The following KCNJ3 variants were observed in gnomAD, a reference collection of about 807,000 sequenced individuals.
The protein encoded by KCNJ3 is potassium inwardly rectifying channel subfamily J member 3, also known as G protein-activated inward rectifier potassium channel 1.
In KCNJ3, 4 loss-of-function variants were observed where a neutral mutation model predicts 39.2. The ratio of observed to expected loss-of-function variants is 0.10; its 90% CI spans 0.05 to 0.23. The LOEUF is 0.23. KCNJ3 is among the 10% of genes least tolerant of loss of function. The probability of loss-of-function intolerance (pLI) is 1.00; values close to 1 mark genes in which losing one functional copy is unlikely to be tolerated. For missense variants in KCNJ3, 276 were observed against 634.9 expected, an observed-to-expected ratio of 0.43 and a Z score of 6.08; for synonymous variants, 230 against 237.4, an observed-to-expected ratio of 0.97 and a Z score of 0.29.
chr2:154,793,029 G>C (rs1040237335), intron 2 of KCNJ3, among the ~76,000 whole-genome samples: 4 of 152,034 alleles, frequency 2.6e-5, no homozygotes, highest in Non-Finnish European at 4.4e-5. Context: ...TACATGGTTT[G>C]TTTTATGGGA....
At chr2:154,828,852 C>T (rs1375482522) in intron 2 of KCNJ3, among the ~76,000 whole-genome samples, 3 of 152,008 alleles carry the variant, frequency 2.0e-5, no homozygotes, top group Non-Finnish European at 4.4e-5. Context: ...TTGAGTTTTT[C>T]AAACAAAATA....
chr2:154,845,747 G>A (rs1687653035), intron 2 of KCNJ3, among the ~76,000 whole-genome samples: 1 of 152,018 alleles, frequency 6.6e-6, no homozygotes. Flanking sequence ...GAGGCGGGTG[G>A]ATCACTTGAG....
chr2:154,807,542 G>T (rs1231523084), intron 2 of KCNJ3, among the ~76,000 whole-genome samples: 7 of 152,108 alleles, frequency 4.6e-5, no homozygotes, highest in African/African-American at 9.7e-5. Flanking sequence ...TATAATATTT[G>T]TCTATACCAA....
intron 2 of KCNJ3, among the ~76,000 whole-genome samples, chr2:154,818,362 AC>A (rs1226518083): frequency 1.3e-5 from 2 of 152,016 alleles, no homozygotes; most frequent in Non-Finnish European, 2.9e-5. Flanking sequence ...TTTTATTTTG[AC>A]ACAAACTAGT....
At chr2:154,749,096 G>A (rs77473777) in intron 2 of KCNJ3, among the ~76,000 whole-genome samples, 8,500 of 152,128 alleles carry the variant, frequency 0.056, 277 homozygotes, top group Middle Eastern at 0.078. Flanking sequence ...TTTGGAATGG[G>A]CAGTGGTGGA....
intron 2 of KCNJ3, among the ~76,000 whole-genome samples, chr2:154,787,437 A>G (rs1686551168): frequency 6.6e-6 from 1 of 152,088 alleles, no homozygotes; most frequent in Admixed American, 6.6e-5. Context: ...CTGTTCAGAG[A>G]CCGAACCCTC....
intron 2 of KCNJ3, among the ~76,000 whole-genome samples, chr2:154,810,244 G>C (rs865991179): frequency 1.3e-5 from 2 of 152,058 alleles, no homozygotes; most frequent in African/African-American, 4.8e-5. Context: ...CACCACGCCT[G>C]ACTAATTTTT....
intron 2 of KCNJ3, among the ~76,000 whole-genome samples, chr2:154,777,413 G>C (rs1251139946): frequency 6.6e-6 from 1 of 152,142 alleles, no homozygotes; most frequent in South Asian, 2.1e-4. Context: ...ATTGTCTGCT[G>C]TCAAAAATTA....
rs148066805 is a variant in KCNJ3, at chr2:154,854,086, G to A, written c.920-641G>A. On this transcript the variant is annotated intron_variant, in intron 2 of 2. Coordinates refer to ENST00000295101, the MANE Select transcript of KCNJ3 (RefSeq NM_002239.4). Reference sequence around the variant, plus strand: ...CTTTTATTCGTTTAACAAATACTTGGGAGAGTTACCTTTTGTCCTCCCACC... The same window carrying A: ...CTTTTATTCGTTTAACAAATACTTGAGAGAGTTACCTTTTGTCCTCCCACC... Among the ~76,000 whole-genome samples the A allele has an allele frequency of 3.7e-3, 559 of 152,140 alleles. 1 individual carries two copies. The highest frequency in any genetic ancestry group is 6.0e-3 in the Non-Finnish European group (405 of 67,988).
At chr2:154,722,267 A>G (rs3106651) in intron 2 of KCNJ3, among the ~76,000 whole-genome samples, 71,774 of 151,978 alleles carry the variant, frequency 0.47, 17,220 homozygotes, top group African/African-American at 0.51. Flanking sequence ...AGAAAGTCTA[A>G]GGGTCTCAGC....
intron 2 of KCNJ3, among the ~76,000 whole-genome samples, chr2:154,794,528 ATGAC>A (rs1387051060): frequency 1.3e-5 from 2 of 152,014 alleles, no homozygotes; most frequent in African/African-American, 4.8e-5. Flanking sequence ...ATGTTGCAGT[ATGAC>A]TGAGTGGAGG....
intron 2 of KCNJ3, among the ~76,000 whole-genome samples, chr2:154,775,977 T>TC (rs1686325710): frequency 2.0e-5 from 3 of 151,662 alleles, no homozygotes; most frequent in Admixed American, 6.6e-5. Context: ...ATAACCTTTT[T>TC]TAAAAAAGGA....
rs540389401 is a variant in KCNJ3, at chr2:154,766,198, G to A, written c.919+56379G>A. Among the ~76,000 whole-genome samples the A allele has an allele frequency of 5.9e-5, 9 of 152,308 alleles. 1 individual carries two copies. Among genetic ancestry groups the A allele is most frequent in the African/African-American group, 2.2e-4 (9 of 41,576 alleles). ...GCAAAATTACTGAAACGGTAAGGGG[G>A]TGATGAAGTGAGAAAGTTCAGAATC... On this transcript the variant is annotated intron_variant, in intron 2 of 2. Transcript: ENST00000295101.
intron 2 of KCNJ3, among the ~76,000 whole-genome samples, chr2:154,819,827 A>G (rs978551824): frequency 5.9e-5 from 9 of 151,898 alleles, no homozygotes; most frequent in Non-Finnish European, 1.2e-4. Flanking sequence ...CCACTCCCGG[A>G]TACAACACTA....
chr2:154,825,211 C>A (rs1687248466), intron 2 of KCNJ3, among the ~76,000 whole-genome samples: 1 of 152,120 alleles, frequency 6.6e-6, no homozygotes, highest in Non-Finnish European at 1.5e-5. Context: ...TTTTTCCTAC[C>A]TTTGGAAGCC....
chr2:154,744,367 A>C (rs1247087287), intron 2 of KCNJ3, among the ~76,000 whole-genome samples: 1 of 151,748 alleles, frequency 6.6e-6, no homozygotes, highest in Non-Finnish European at 1.5e-5. Context: ...TGAACTGAGT[A>C]GACTTGTTTT....
At chr2:154,730,074 T>A in intron 2 of KCNJ3, among the ~76,000 whole-genome samples, 1 of 151,902 alleles carries the variant, frequency 6.6e-6, no homozygotes, top group Non-Finnish European at 1.5e-5. Context: ...TTCAGAGTTA[T>A]AAGCAGAAAG....
At position 154,854,782 on chromosome 2, in the gene KCNJ3, T is replaced by C. The variant is rs1275817235; in HGVS notation, c.975T>C (p.His325=). The change falls in exon 3 of 3, where the codon CAT becomes CAC. Residue 325 remains histidine, a synonymous_variant. Transcript: ENST00000295101. ...CTGAAGATGAAGTTCTTTGGGGTCATCGTTTTTTTCCTGTAATTTCCTTAG... is the reference window on the plus strand; with the variant it reads ...CTGAAGATGAAGTTCTTTGGGGTCACCGTTTTTTTCCTGTAATTTCCTTAG... ...SYTEDEVLWG[H]RFFPVISLEE... 6.2e-7 allele frequency: 1 copy of C among 1,613,918 alleles called. No homozygotes were observed. Among genetic ancestry groups the C allele is most frequent in the Non-Finnish European group, 8.5e-7 (1 of 1,179,886 alleles).
chr2:154,785,586 G>A (rs1433507021), intron 2 of KCNJ3, among the ~76,000 whole-genome samples: 4 of 152,060 alleles, frequency 2.6e-5, no homozygotes, highest in Non-Finnish European at 4.4e-5. Flanking sequence ...AGGTTCATCG[G>A]CTCCCACACC....
Sources: allele counts gnomAD v4.1 joint callset (sites outside exome capture counted in the v4.1 genomes callset), GRCh38; gene constraint gnomAD v4.1.1; transcripts MANE v1.5; gene names NCBI Gene and HGNC (gene_info 2026-07-23, HGNC 2026-07-21).